MGAT4C: variants seen among roughly 807,000 people sequenced by gnomAD.
MGAT4C encodes alpha-1,3-mannosyl-glycoprotein 4-beta-N-acetylglucosaminyltransferase C.
Under a neutral mutation model 40.1 loss-of-function variants are expected in MGAT4C, and 19 were observed. That is an observed-to-expected ratio of 0.47 (90% CI 0.33 to 0.70). The LOEUF is 0.70. Among genes scored for constraint, MGAT4C ranks in the 30% least tolerant of loss-of-function variants. The probability of loss-of-function intolerance (pLI) is 0.02; values close to 1 mark genes in which losing one functional copy is unlikely to be tolerated. For missense variants in MGAT4C, 491 were observed against 563.2 expected (o/e 0.87, Z 1.30); for synonymous variants, 181 against 187.1 (o/e 0.97, Z 0.27).
intron 1 of MGAT4C, among the ~76,000 whole-genome samples, chr12:86,103,537 T>G (rs1417549356): frequency 6.6e-6 from 1 of 152,148 alleles, no homozygotes; most frequent in Non-Finnish European, 1.5e-5. Context: ...AGTGCCACCT[T>G]GCTGATGTCT....
At chr12:86,484,314 G>A (rs1957982559) in intron 2 of MGAT4C, among the ~76,000 whole-genome samples, 1 of 152,206 alleles carries the variant, frequency 6.6e-6, no homozygotes, top group African/African-American at 2.4e-5. Flanking sequence ...CTGGCCACCA[G>A]GCCAAGAGAG....
chr12:86,222,497 T>C (rs1950919743), intron 1 of MGAT4C, among the ~76,000 whole-genome samples: 2 of 152,190 alleles, frequency 1.3e-5, no homozygotes, highest in Admixed American at 6.5e-5. Context: ...GAAAACTCTT[T>C]CTATCCACCT....
intron 1 of MGAT4C, among the ~76,000 whole-genome samples, chr12:86,781,111 A>G (rs937775317): frequency 2.0e-5 from 3 of 151,860 alleles, no homozygotes; most frequent in Admixed American, 6.6e-5. Flanking sequence ...TAGTGCTGCA[A>G]TAAACATACA....
chr12:86,272,626 A>T (rs544564859), intron 4 of MGAT4C, among the ~76,000 whole-genome samples: 2 of 152,080 alleles, frequency 1.3e-5, no homozygotes, highest in African/African-American at 4.8e-5. Flanking sequence ...TGAGGTGGGC[A>T]GATTGCTTGA....
In MGAT4C at chr12:86,350,483, G is replaced by A. The variant is rs953001609; in HGVS notation, c.-119-16356C>T. ...TTCAAATTTATTTTACAGAGCAAGC[G>A]TAAGCCTAGTGACAAAGCAAGAAAA... On this transcript the variant is annotated intron_variant, in intron 3 of 7. Coordinates refer to the MGAT4C transcript ENST00000548651. Among the ~76,000 whole-genome samples, 108 of 152,110 alleles carry A rather than the reference G, an allele frequency of 7.1e-4. 1 individual carries two copies. The highest frequency in any genetic ancestry group is 2.1e-3 in the African/African-American group (87 of 41,446).
intron 2 of MGAT4C, among the ~76,000 whole-genome samples, chr12:85,992,656 T>C (rs1886090561): frequency 6.6e-6 from 1 of 152,266 alleles, no homozygotes; most frequent in Non-Finnish European, 1.5e-5. Context: ...TTGGTATCTG[T>C]ACATAAATTT....
Position 86,140,700 on chromosome 12 carries a change from C to T in MGAT4C, c.-56-90977G>A, listed in dbSNP as rs1009622489. 7.2e-5 allele frequency among the ~76,000 whole-genome samples: 11 copies of T among 152,034 alleles called. No homozygotes were observed. The South Asian group carries it at 1.9e-3, about 26-fold the overall frequency. ...AATATGTGCCCCCTACCAACCTTCA[C>T]GTTCAATAGGTTCAATCATAGTTTC... On this transcript the variant is annotated intron_variant, in intron 1 of 4. Transcript: ENST00000611864.
intron 1 of MGAT4C, among the ~76,000 whole-genome samples, chr12:86,789,181 C>G (rs1593208566): frequency 6.6e-6 from 1 of 152,138 alleles, no homozygotes. Context: ...TAACATTAAA[C>G]AATAACTTTG....
At chr12:86,568,824 G>A (rs1960240806) in intron 2 of MGAT4C, among the ~76,000 whole-genome samples, 1 of 151,822 alleles carries the variant, frequency 6.6e-6, no homozygotes, top group African/African-American at 2.4e-5. Context: ...ACATTCATTG[G>A]GAGAAAGATG....
At chr12:86,308,837 A>G (rs1000609356) in intron 4 of MGAT4C, among the ~76,000 whole-genome samples, 2 of 150,512 alleles carry the variant, frequency 1.3e-5, no homozygotes, top group African/African-American at 5.0e-5. Context: ...AAAATTTTTG[A>G]TGTCAGATTG....
At chr12:86,451,350 G>T (rs1402632168) in intron 2 of MGAT4C, among the ~76,000 whole-genome samples, 1 of 152,114 alleles carries the variant, frequency 6.6e-6, no homozygotes, top group Admixed American at 6.5e-5. Flanking sequence ...TGTGTTTCCT[G>T]TACACCTGCA....
intron 1 of MGAT4C, among the ~76,000 whole-genome samples, chr12:86,253,355 A>G (rs1952383171): frequency 6.6e-6 from 1 of 151,856 alleles, no homozygotes; most frequent in South Asian, 2.1e-4. Flanking sequence ...AGAAAGAGAA[A>G]GAAAGAAAGA....
intron 1 of MGAT4C, among the ~76,000 whole-genome samples, chr12:86,171,377 T>A (rs541893460): frequency 1.2e-3 from 183 of 151,942 alleles, no homozygotes; most frequent in Non-Finnish European, 2.1e-3. Context: ...CTCAAAAAAA[T>A]AAATAAATAA....
chr12:86,600,048 G>T (rs911005616), intron 2 of MGAT4C, among the ~76,000 whole-genome samples: 7 of 152,030 alleles, frequency 4.6e-5, no homozygotes, highest in Non-Finnish European at 7.4e-5. Flanking sequence ...TAGCAAACAG[G>T]GTGCTAAAAG....
intron 2 of MGAT4C, among the ~76,000 whole-genome samples, chr12:86,010,722 T>C (rs968167618): frequency 1.3e-5 from 2 of 151,968 alleles, no homozygotes; most frequent in African/African-American, 4.8e-5. Context: ...ACAAAACCCA[T>C]GTTGAAAGAT....
chr12:86,236,407 C>T (rs543097157), intron 1 of MGAT4C, among the ~76,000 whole-genome samples: 8 of 152,080 alleles, frequency 5.3e-5, no homozygotes, highest in Admixed American at 3.3e-4. Flanking sequence ...TCATTTCCAC[C>T]CTTATCCCAG....
At chr12:86,601,259 G>C (rs146407145) in intron 2 of MGAT4C, 9 of 152,376 alleles carry the variant, frequency 5.9e-5, no homozygotes, top group African/African-American at 2.2e-4. Flanking sequence ...GCCTGGCGGC[G>C]AGACGGCCAT....
intron 3 of MGAT4C, among the ~76,000 whole-genome samples, chr12:86,410,314 A>G (rs1359620825): frequency 1.3e-5 from 2 of 152,152 alleles, no homozygotes; most frequent in African/African-American, 4.8e-5. Flanking sequence ...CAACCGCATA[A>G]GACAGACACT....
intron 2 of MGAT4C, among the ~76,000 whole-genome samples, chr12:86,548,547 T>C (rs1959217856): frequency 6.6e-6 from 1 of 152,108 alleles, no homozygotes; most frequent in African/African-American, 2.4e-5. Context: ...CTTAATGGTC[T>C]ACTGTGTAGC....
Sources: allele counts gnomAD v4.1 joint callset (sites outside exome capture counted in the v4.1 genomes callset), GRCh38; gene constraint gnomAD v4.1.1; transcripts MANE v1.5; gene names NCBI Gene and HGNC (gene_info 2026-07-23, HGNC 2026-07-21).